UBE2E1: variants seen among roughly 807,000 people sequenced by gnomAD.
UBE2E1 encodes the protein ubiquitin conjugating enzyme E2 E1.
UBE2E1 carries 6 observed loss-of-function variants against 21.4 expected under a neutral mutation model. The ratio of observed to expected loss-of-function variants is 0.28; its 90% CI spans 0.15 to 0.55. UBE2E1 has a LOEUF of 0.55. Among genes scored for constraint, UBE2E1 ranks in the 20% least tolerant of loss-of-function variants. UBE2E1 has a pLI of 0.93. For missense variants in UBE2E1, 142 were observed against 236.5 expected (o/e 0.60, Z 2.62); for synonymous variants, 87 against 82.7 (o/e 1.05, Z -0.28).
intron 3 of UBE2E1, among the ~76,000 whole-genome samples, chr3:23,854,304 A>AT (rs1460491636): frequency 2.0e-5 from 3 of 151,520 alleles, no homozygotes; most frequent in Admixed American, 2.0e-4. Context: ...CAGAGAGGGT[A>AT]TTTAACTTAA....
chr3:23,890,357 TG>T (rs1323742447), intron 5 of UBE2E1, 151 bp from the exon 6 acceptor site: 13 of 630,168 alleles, frequency 2.1e-5, no homozygotes, highest in Non-Finnish European at 2.6e-5. Context: ...GAAATTTTGA[TG>T]GAAAAATATC....
intron 3 of UBE2E1, among the ~76,000 whole-genome samples, chr3:23,861,283 G>A (rs531208898): frequency 1.3e-5 from 2 of 152,198 alleles, no homozygotes; most frequent in South Asian, 4.1e-4. Flanking sequence ...CTTTAATTAG[G>A]CTCTCTGCTT....
At chr3:23,890,129 T>A (rs762811877) in intron 5 of UBE2E1, among the ~76,000 whole-genome samples, 50 of 152,268 alleles carry the variant, frequency 3.3e-4, no homozygotes, top group Non-Finnish European at 5.7e-4. Flanking sequence ...CGTTAACTGG[T>A]GACATTGAGC....
At chr3:23,809,395 T>A (rs1699340368) in intron 2 of UBE2E1, among the ~76,000 whole-genome samples, 1 of 152,182 alleles carries the variant, frequency 6.6e-6, no homozygotes, top group Admixed American at 6.5e-5. Context: ...AGGGGCACAT[T>A]CACCAGGAGT....
chr3:23,833,290 G>A (rs1380425238), intron 3 of UBE2E1, among the ~76,000 whole-genome samples: 1 of 152,078 alleles, frequency 6.6e-6, no homozygotes, highest in African/African-American at 2.4e-5. Flanking sequence ...TTGGTATATG[G>A]TATGTGCCTT....
Position 23,890,861 on chromosome 3 carries a change from A to C in UBE2E1, c.*255A>C. 3.2e-6 allele frequency: 1 copy of C among 309,948 alleles called. No homozygotes were observed. The highest frequency in any genetic ancestry group is 2.2e-5 in the African/African-American group (1 of 46,426). The allele number at this position is 309,948 out of a possible 1,614,324, so 19.2% of individuals were successfully genotyped here. The stretch of plus-strand genomic sequence containing the variant: ...AAATGTAGTACAGAAAAGAATGTAC[A>C]TTTAGACATTTGGGTTCAGTTGCTT... On this transcript the variant is annotated 3_prime_UTR_variant, in exon 6 of 6. Transcript: ENST00000306627.
At chr3:23,844,653 C>G (rs1700160196) in intron 3 of UBE2E1, among the ~76,000 whole-genome samples, 2 of 152,302 alleles carry the variant, frequency 1.3e-5, no homozygotes, top group South Asian at 4.1e-4. Context: ...TCTCCATGCC[C>G]ACCAGTAGCA....
rs552816835 is a variant in UBE2E1 at position 23,808,778 on chromosome 3, T to C, written c.152+1357T>C. On this transcript the variant is annotated intron_variant, in intron 2 of 5. Coordinates refer to ENST00000306627, the MANE Select transcript of UBE2E1 (RefSeq NM_003341.5). The surrounding 1 kb of genome is among the most constrained non-coding windows in gnomAD (Gnocchi z 4.9). ...TGCGGTTTTCCTGGAACCTGACATC[T>C]ACTCTGCCCACTTGGGACGGGCCCT... The C allele has an allele frequency of 6.6e-6, 1 of 152,396 alleles. No homozygotes were observed. Among genetic ancestry groups the C allele is most frequent in the East Asian group, 1.9e-4 (1 of 5,194 alleles). The allele number at this position is 152,396 out of a possible 1,614,324, so 9.4% of individuals were successfully genotyped here.
At chr3:23,811,366 G>C in intron 2 of UBE2E1, 94 bp from the exon 3 acceptor site, 5 of 1,174,408 alleles carry the variant, frequency 4.3e-6, no homozygotes, top group Non-Finnish European at 6.4e-6. Context: ...CAGTGATCGC[G>C]CTTAGGTTTA....
At chr3:23,878,095 G>A (rs1700956406) in intron 3 of UBE2E1, among the ~76,000 whole-genome samples, 1 of 152,090 alleles carries the variant, frequency 6.6e-6, no homozygotes, top group South Asian at 2.1e-4. Flanking sequence ...ACTGTGTTCT[G>A]GTCAATTTAC....
intron 3 of UBE2E1, among the ~76,000 whole-genome samples, chr3:23,872,844 C>G (rs2125321430): frequency 6.6e-6 from 1 of 152,200 alleles, no homozygotes; most frequent in South Asian, 2.1e-4. Context: ...TGGTGACACC[C>G]CGTCTCTACT....
At chr3:23,855,625 C>T (rs975161540) in intron 3 of UBE2E1, among the ~76,000 whole-genome samples, 25 of 152,066 alleles carry the variant, frequency 1.6e-4, no homozygotes, top group African/African-American at 4.8e-4. Context: ...GTCAGGAGAT[C>T]GAGACCATCC....
intron 3 of UBE2E1, among the ~76,000 whole-genome samples, chr3:23,845,691 T>C (rs886261497): frequency 2.0e-5 from 3 of 151,938 alleles, no homozygotes; most frequent in Non-Finnish European, 4.4e-5. Flanking sequence ...CAAAGTTATT[T>C]AGCAGAAGTC....
chr3:23,887,593 A>G lies in UBE2E1; in HGVS notation c.230A>G (p.Tyr77Cys). 6.2e-7 allele frequency: 1 copy of G among 1,612,908 alleles called. No individual in the cohort carries two copies. The highest frequency in any genetic ancestry group is 8.5e-7 in the Non-Finnish European group (1 of 1,179,750). The change falls in exon 4 of 6, where the codon TAT becomes TGT. Residue 77 changes from tyrosine (Y) to cysteine (C), a missense_variant. This residue lies in a region of UBE2E1 where 87 missense variants were observed against 184.9 expected (regional missense o/e 0.47). Coordinates refer to ENST00000306627, the MANE Select transcript of UBE2E1 (RefSeq NM_003341.5). The surrounding 1 kb of genome is among the most constrained non-coding windows in gnomAD (Gnocchi z 4.4). ...GCTGGTCCCAAAGGCGATAACATCT[A>G]TGAATGGAGATCAACCATTCTAGGG... The part of the protein sequence containing the change: ...CSAGPKGDNI[Y>C]EWRSTILGPP...
intron 3 of UBE2E1, among the ~76,000 whole-genome samples, chr3:23,858,950 A>G (rs1215709275): frequency 2.6e-5 from 4 of 152,170 alleles, no homozygotes; most frequent in East Asian, 1.9e-4. Context: ...CCTCATATCA[A>G]ATACCTCGTA....
chr3:23,807,353 C>T lies in UBE2E1; in HGVS notation c.84C>T (p.Thr28=), dbSNP rs764012134. The T allele has an allele frequency of 1.9e-6, 3 of 1,613,890 alleles. No individual in the cohort carries two copies. The highest frequency in any genetic ancestry group is 2.5e-6 in the Non-Finnish European group (3 of 1,179,930). The stretch of plus-strand genomic sequence containing the variant: ...AGCAAACCGAGAAAGAAACAAACAC[C>T]CCCAAGAAGAAGGAGAGTAAAGTCA... ...SNQQTEKETN[T]PKKKESKVSM... The change falls in exon 2 of 6, where the codon ACC becomes ACT. Residue 28 remains threonine (T), a synonymous_variant. Coordinates refer to ENST00000306627, the MANE Select transcript of UBE2E1 (RefSeq NM_003341.5).
At chr3:23,843,157 C>A (rs1315986579) in intron 3 of UBE2E1, among the ~76,000 whole-genome samples, 1 of 151,080 alleles carries the variant, frequency 6.6e-6, no homozygotes, top group Non-Finnish European at 1.5e-5. Context: ...AGCCATCTGT[C>A]CCCCCAGACT....
intron 3 of UBE2E1, among the ~76,000 whole-genome samples, chr3:23,877,879 A>C (rs980958973): frequency 5.9e-5 from 9 of 152,174 alleles, no homozygotes; most frequent in African/African-American, 2.2e-4. Context: ...ATCAGGAATT[A>C]CTTGAGATTT....
chr3:23,875,780 G>C (rs926933683), intron 3 of UBE2E1, among the ~76,000 whole-genome samples: 1 of 152,122 alleles, frequency 6.6e-6, no homozygotes, highest in African/African-American at 2.4e-5. Context: ...CCACTAATGT[G>C]AATTTTTTTT....
Sources: allele counts gnomAD v4.1 joint callset (sites outside exome capture counted in the v4.1 genomes callset), GRCh38; gene constraint gnomAD v4.1.1; regional missense constraint gnomAD v4.1.1; non-coding constraint Gnocchi (gnomAD v3.1); transcripts MANE v1.5; gene names NCBI Gene and HGNC (gene_info 2026-07-23, HGNC 2026-07-21).